Variants in DLGAP2 observed in about 807,000 individuals in gnomAD.
DLGAP2 encodes the protein disks large-associated protein 2.
DLGAP2 carries 26 observed loss-of-function variants against 100.3 expected under a neutral mutation model. The ratio of observed to expected loss-of-function variants is 0.26; its 90% CI spans 0.19 to 0.36. The LOEUF (loss-of-function observed/expected upper bound fraction) is 0.36. Among genes scored for constraint, DLGAP2 ranks in the 10% least tolerant of loss-of-function variants. DLGAP2 has a pLI of 1.00. For missense variants in DLGAP2, 1,858 were observed against 1,453.2 expected, an observed-to-expected ratio of 1.28 and a Z score of -4.53; for synonymous variants, 886 against 630.1, an observed-to-expected ratio of 1.41 and a Z score of -6.08.
chr8:810,577 G>C (rs1020737238), intron 1 of DLGAP2, among the ~76,000 whole-genome samples: 4 of 152,186 alleles, frequency 2.6e-5, no homozygotes, highest in Non-Finnish European at 2.9e-5. Flanking sequence ...GAGACATGCT[G>C]TGCTGCAATT....
intron 2 of DLGAP2, among the ~76,000 whole-genome samples, chr8:1,173,971 C>T (rs572527944): frequency 3.3e-5 from 5 of 152,164 alleles, no homozygotes; most frequent in African/African-American, 2.4e-5. Flanking sequence ...TCTTCTGTGT[C>T]GCTCACGCTG....
intron 1 of DLGAP2, among the ~76,000 whole-genome samples, chr8:839,695 T>C (rs1306657774): frequency 6.6e-6 from 1 of 152,168 alleles, no homozygotes; most frequent in East Asian, 1.9e-4. Flanking sequence ...GTCAGCACCC[T>C]TGCTCCCACC....
Position 1,697,253 on chromosome 8 carries a change from G to A in DLGAP2, c.2903G>A (p.Arg968Gln), listed in dbSNP as rs780871763. The stretch of plus-strand genomic sequence containing the variant: ...AGCATGAAGTTCGACGAGCTGCAGC[G>A]GCTGCGGCTCAACGACTGGAAGATG... Reference protein sequence around the residue: ...DVSMKFDELQRLRLNDWKMME... With the variant: ...DVSMKFDELQQLRLNDWKMME... The change falls in exon 14 of 15, where the codon CGG (arginine) becomes CAG (glutamine). Residue 968 changes from arginine to glutamine, a missense_variant. Arg to Gln is a conservative substitution (Grantham distance 43). Coordinates refer to ENST00000637795, the MANE Select transcript of DLGAP2 (RefSeq NM_001346810.2). 6.8e-5 allele frequency: 109 copies of A among 1,610,626 alleles called. No individual in the cohort carries two copies. The highest frequency in any genetic ancestry group is 8.0e-5 in the Non-Finnish European group (94 of 1,178,088).
intron 2 of DLGAP2, among the ~76,000 whole-genome samples, chr8:1,177,553 C>G (rs756332415): frequency 1.3e-5 from 2 of 152,180 alleles, no homozygotes; most frequent in African/African-American, 4.8e-5. Context: ...TTGTTTGTGT[C>G]TTTACTCTTA....
intron 2 of DLGAP2, among the ~76,000 whole-genome samples, chr8:989,292 C>T (rs746548448): frequency 6.6e-6 from 1 of 152,170 alleles, no homozygotes. Context: ...CACATCCTAA[C>T]CTCCTCTCCA....
At chr8:1,093,861 G>A (rs1336915078) in intron 2 of DLGAP2, among the ~76,000 whole-genome samples, 3 of 152,260 alleles carry the variant, frequency 2.0e-5, no homozygotes. Context: ...GAGAGTTGGG[G>A]TCTCAAAGGT....
At chr8:1,240,141 AG>A (rs1246334022) in intron 2 of DLGAP2, among the ~76,000 whole-genome samples, 1 of 144,864 alleles carries the variant, frequency 6.9e-6, no homozygotes, top group Non-Finnish European at 1.5e-5. Context: ...TGCCATGTGT[AG>A]TTCTCTCTCA....
At chr8:871,210 G>T (rs992806372) in intron 1 of DLGAP2, among the ~76,000 whole-genome samples, 5 of 152,196 alleles carry the variant, frequency 3.3e-5, no homozygotes, top group African/African-American at 1.2e-4. Flanking sequence ...CCGGTTGCAG[G>T]CCCGGTCCAG....
intron 10 of DLGAP2, among the ~76,000 whole-genome samples, chr8:1,673,846 T>C (rs966459178): frequency 1.3e-5 from 2 of 152,112 alleles, no homozygotes; most frequent in African/African-American, 4.8e-5. Context: ...AACAAAAATA[T>C]ATTAGAGGAA....
At chr8:1,229,830 T>TA (rs1798498439) in intron 2 of DLGAP2, among the ~76,000 whole-genome samples, 1 of 152,072 alleles carries the variant, frequency 6.6e-6, no homozygotes, top group African/African-American at 2.4e-5. Flanking sequence ...CCTTTCATGA[T>TA]AAAAACCCTC....
chr8:1,549,421 T>C lies in DLGAP2; in HGVS notation c.968T>C (p.Val323Ala). Residue 323 changes from valine (V) to alanine (A), a missense_variant, in exon 5 of 15, where the codon GTG (valine) becomes GCG (alanine). Transcript: ENST00000637795. The stretch of plus-strand genomic sequence containing the variant: ...CTCAACCGGCACCACCTGGGCCCCG[T>C]GGCCCACTGCTACCCCGACGCGCTG... ...SVLNRHHLGP[V>A]AHCYPDALQS... 6.2e-7 allele frequency: 1 copy of C among 1,613,398 alleles called. No homozygotes were observed. The highest frequency in any genetic ancestry group is 1.1e-5 in the South Asian group (1 of 91,062).
At chr8:1,348,252 T>G (rs1336520098) in intron 3 of DLGAP2, among the ~76,000 whole-genome samples, 2 of 149,764 alleles carry the variant, frequency 1.3e-5, no homozygotes, top group African/African-American at 4.9e-5. Context: ...TACACAGAGC[T>G]ACATTGCACT....
At chr8:1,683,886 G>GTATACACATATA (rs1799032570) in intron 12 of DLGAP2, among the ~76,000 whole-genome samples, 1 of 109,800 alleles carries the variant, frequency 9.1e-6, no homozygotes, top group African/African-American at 3.8e-5. Context: ...GTGTGTGTGT[G>GTATACACATATA]TGTGTGTGTG....
intron 2 of DLGAP2, among the ~76,000 whole-genome samples, chr8:1,105,923 G>T (rs1333955216): frequency 6.7e-6 from 1 of 149,154 alleles, no homozygotes; most frequent in Non-Finnish European, 1.5e-5. Context: ...ATTGAAGGAG[G>T]CCATTCTAGG....
At chr8:1,260,781 G>A (rs1799331039) in intron 3 of DLGAP2, among the ~76,000 whole-genome samples, 1 of 152,238 alleles carries the variant, frequency 6.6e-6, no homozygotes, top group Non-Finnish European at 1.5e-5. Context: ...CTCTAGAGGG[G>A]ACCTTGGCTG....
Position 1,255,009 on chromosome 8 carries a change from G to GTGTGTGTCCTCTCATCCTGCCC in DLGAP2, c.74-3842_74-3841insTGTGTGTCCTCTCATCCTGCCC, listed in dbSNP as rs1173185298. On this transcript the variant is annotated intron_variant, in intron 2 of 14. Transcript: ENST00000637795. ...GTGTGTGTGTCCTCTCATCCTGCTT[G>GTGTGTGTCCTCTCATCCTGCCC]GGCGCTGTGTGTGTGTCTTCTCCTG... Among the ~76,000 whole-genome samples the GTGTGTGTCCTCTCATCCTGCCC allele has an allele frequency of 6.4e-4, 66 of 103,642 alleles. 4 individuals are homozygous for GTGTGTGTCCTCTCATCCTGCCC. Among genetic ancestry groups the GTGTGTGTCCTCTCATCCTGCCC allele is most frequent in the African/African-American group, 2.3e-3 (52 of 22,238 alleles). The allele number at this position is 103,642 out of a possible 152,430, so 68.0% of individuals were successfully genotyped here. A position where few individuals can be genotyped will look rare whatever the true frequency, so the allele number is the denominator to read the frequency against.
chr8:748,176 GGGCGGGTCTGCGGT>G (rs2132567927), intron 1 of DLGAP2, among the ~76,000 whole-genome samples: 8 of 106,382 alleles, frequency 7.5e-5, no homozygotes, highest in African/African-American at 2.9e-4. Context: ...GCGGTGGGAT[GGGCGGGTCTGCGGT>G]GGGATGGGGG....
At chr8:1,004,454 G>T (rs1801048500) in intron 2 of DLGAP2, among the ~76,000 whole-genome samples, 1 of 152,192 alleles carries the variant, frequency 6.6e-6, no homozygotes, top group African/African-American at 2.4e-5. Context: ...TACACGTCCA[G>T]ATTTGGCTTG....
chr8:1,504,943 TGA>T (rs1401235042), intron 4 of DLGAP2, among the ~76,000 whole-genome samples: 1 of 152,046 alleles, frequency 6.6e-6, no homozygotes, highest in Non-Finnish European at 1.5e-5. Context: ...CCCCTAGGAT[TGA>T]GAATCCTGAT....
Sources: allele counts gnomAD v4.1 joint callset (sites outside exome capture counted in the v4.1 genomes callset), GRCh38; gene constraint gnomAD v4.1.1; transcripts MANE v1.5; gene names NCBI Gene and HGNC (gene_info 2026-07-23, HGNC 2026-07-21).